The following SHANK2 variants were observed in gnomAD, a reference collection of about 807,000 sequenced individuals.
SHANK2 encodes SH3 and multiple ankyrin repeat domains 2.
SHANK2 carries 43 observed loss-of-function variants against 133.7 expected under a neutral mutation model. The observed-to-expected ratio is 0.32, with a 90% CI of 0.25 to 0.41. The LOEUF (loss-of-function observed/expected upper bound fraction) is 0.41. Among genes scored for constraint, SHANK2 ranks in the 10% least tolerant of loss-of-function variants. The pLI, the probability that SHANK2 is intolerant of heterozygous loss-of-function variation, is 1.00. For synonymous variants in SHANK2, 1,017 were observed against 952.8 expected, an observed-to-expected ratio of 1.07 and a Z score of -1.24; for missense variants, 1,994 against 2,235.8, an observed-to-expected ratio of 0.89 and a Z score of 2.18.
chr11:70,589,042 C>T (rs2060289273), intron 17 of SHANK2, among the ~76,000 whole-genome samples: 1 of 152,250 alleles, frequency 6.6e-6, no homozygotes, highest in African/African-American at 2.4e-5. Flanking sequence ...TGGTCTCGAT[C>T]TCCTGACCTC....
At position 70,569,126 on chromosome 11, in the gene SHANK2, G is replaced by A. The variant is rs1423722183; in HGVS notation, c.2062-66195C>T. 6.6e-6 allele frequency among the ~76,000 whole-genome samples: 1 copy of A among 152,192 alleles called. No homozygotes were observed. The highest frequency in any genetic ancestry group is 1.5e-5 in the Non-Finnish European group (1 of 68,028). On this transcript the variant is annotated intron_variant, in intron 17 of 25. Coordinates refer to ENST00000601538, the MANE Select transcript of SHANK2 (RefSeq NM_012309.5). The surrounding 1 kb of genome is among the most constrained non-coding windows in gnomAD (Gnocchi z 5.1). ...TCTGCCTTGACTTGTCCTGGATTCT[G>A]CAGGAAGGCCCCACCTGAACCACCT...
intron 14 of SHANK2, among the ~76,000 whole-genome samples, chr11:70,749,602 C>A (rs1326057581): frequency 1.3e-5 from 2 of 152,158 alleles, no homozygotes; most frequent in African/African-American, 4.8e-5. Flanking sequence ...ACCTAGGAGG[C>A]AATGAGTTTA....
chr11:70,886,697 TCACACACACACACA>T (rs10579290), intron 11 of SHANK2, among the ~76,000 whole-genome samples: 1 of 143,460 alleles, frequency 7.0e-6, no homozygotes, highest in Non-Finnish European at 1.6e-5. Flanking sequence ...AATCACACAA[TCACACACACACACA>T]CACACACACA....
intron 11 of SHANK2, among the ~76,000 whole-genome samples, chr11:70,870,713 TG>T (rs1949445719): frequency 6.6e-6 from 1 of 152,234 alleles, no homozygotes; most frequent in Non-Finnish European, 1.5e-5. Context: ...CCCAGAGCTC[TG>T]CCTTCATCTT....
rs1011749582 is a variant in SHANK2, at chr11:70,710,233, C to A, written c.1778-11470G>T. On this transcript the variant is annotated intron_variant, in intron 14 of 25. Coordinates refer to ENST00000601538, the MANE Select transcript of SHANK2 (RefSeq NM_012309.5). Reference sequence around the variant, plus strand: ...CTGGGGGCTGTGCCGTCCCCTCAGGCAGGCCTGGCTCCCTCTTCACAACGG... The same window carrying A: ...CTGGGGGCTGTGCCGTCCCCTCAGGAAGGCCTGGCTCCCTCTTCACAACGG... Among the ~76,000 whole-genome samples, 6 of 152,198 alleles carry A rather than the reference C, an allele frequency of 3.9e-5. No individual in the cohort carries two copies. The East Asian group carries it at 1.2e-3, about 29-fold the overall frequency.
chr11:70,633,257 C>T (rs1179967813), intron 17 of SHANK2, among the ~76,000 whole-genome samples: 3 of 147,488 alleles, frequency 2.0e-5, no homozygotes, highest in Non-Finnish European at 4.5e-5. Context: ...CTATATAAAA[C>T]ATGTATAAGT....
intron 9 of SHANK2, among the ~76,000 whole-genome samples, chr11:71,065,825 TGG>T (rs2135948918): frequency 8.4e-5 from 3 of 35,670 alleles, no homozygotes; most frequent in Non-Finnish European, 1.0e-4. Context: ...GTGGGGAAGT[TGG>T]GGGCGGGGCA....
rs1555149211 is a variant in SHANK2 at position 70,473,290 on chromosome 11, G to A, written c.5129C>T (p.Pro1710Leu). The stretch of plus-strand genomic sequence containing the variant: ...GTTCATCTCTGTTGGCGAGACCACA[G>A]GGCTTGGGGCACGTCTTGTTCCTGA... ...RTSGTRRAPS[P>L]VVSPTEMNKE... The change falls in exon 26 of 26, where the codon CCT (proline) becomes CTT (leucine). Residue 1710 changes from proline to leucine, a missense_variant. Physicochemically the swap from Pro to Leu is moderately conservative, Grantham distance 98. Around this residue, in one of 5 missense-constraint regions of SHANK2, gnomAD observed 797 missense variants for 907.4 expected, o/e 0.88. Coordinates refer to ENST00000601538, the MANE Select transcript of SHANK2 (RefSeq NM_012309.5). The surrounding 1 kb of genome is among the most constrained non-coding windows in gnomAD (Gnocchi z 5.9). The A allele has an allele frequency of 6.2e-7, 1 of 1,613,840 alleles. No individual in the cohort carries two copies. Among genetic ancestry groups the A allele is most frequent in the African/African-American group, 1.3e-5 (1 of 74,936 alleles).
chr11:70,687,789 G>A (rs1945188656), intron 15 of SHANK2, among the ~76,000 whole-genome samples: 1 of 152,220 alleles, frequency 6.6e-6, no homozygotes. Flanking sequence ...CAGGTGGGGA[G>A]CAAGGCAGGC....
chr11:71,140,515 C>T (rs1272881264), intron 3 of SHANK2, among the ~76,000 whole-genome samples: 1 of 152,242 alleles, frequency 6.6e-6, no homozygotes, highest in Non-Finnish European at 1.5e-5. Flanking sequence ...TCTCCCAACA[C>T]CCTTGCCCCA....
intron 7 of SHANK2, among the ~76,000 whole-genome samples, chr11:71,093,944 C>T (rs1375118734): frequency 6.6e-6 from 1 of 152,146 alleles, no homozygotes; most frequent in Middle Eastern, 3.2e-3. Context: ...TCCAGAGGCG[C>T]CGTGGCTGCA....
chr11:70,631,346 G>T (rs1555002084), intron 17 of SHANK2: 2 of 152,066 alleles, frequency 1.3e-5, no homozygotes, highest in African/African-American at 2.4e-5. Flanking sequence ...GCCTGCTGGG[G>T]GCCGTGCCAT....
At position 70,599,917 on chromosome 11, in the gene SHANK2, A is replaced by AAAAGAAAGAAAGAAAG. The variant is rs1364414269; in HGVS notation, c.2061+59910_2061+59911insCTTTCTTTCTTTCTTT. On this transcript the variant is annotated intron_variant, in intron 17 of 25. Transcript: ENST00000601538. ...AGAAAGAAAGAAAGAGAAAGAAAGA[A>AAAAGAAAGAAAGAAAG]AGAAAGAAAGAAAGAAAGAAAGAAA... Among the ~76,000 whole-genome samples the AAAAGAAAGAAAGAAAG allele has an allele frequency of 4.5e-3, 344 of 77,138 alleles. 2 individuals carry two copies. Among genetic ancestry groups the AAAAGAAAGAAAGAAAG allele is most frequent in the African/African-American group, 0.012 (198 of 16,398 alleles). 50.6% of individuals were successfully genotyped at this position (77,138 alleles called of 152,430 possible).
chr11:71,084,235 T>C (rs1286373278), intron 8 of SHANK2, among the ~76,000 whole-genome samples: 3 of 152,194 alleles, frequency 2.0e-5, no homozygotes, highest in African/African-American at 7.2e-5. Context: ...TCTCCCAAAG[T>C]GCTGCGATTA....
chr11:70,588,379 G>C (rs2060280706), intron 17 of SHANK2, among the ~76,000 whole-genome samples: 1 of 152,242 alleles, frequency 6.6e-6, no homozygotes, highest in Non-Finnish European at 1.5e-5. Flanking sequence ...TGAAAGCTGA[G>C]ACAGTCCTCT....
chr11:70,717,034 G>A (rs1049253776), intron 14 of SHANK2, among the ~76,000 whole-genome samples: 1 of 152,142 alleles, frequency 6.6e-6, no homozygotes, highest in African/African-American at 2.4e-5. Flanking sequence ...AACGCACAGG[G>A]TGTTTCTCCC....
chr11:71,232,776 C>T lies in SHANK2; in HGVS notation c.-112-7980G>A, dbSNP rs114179973. Reference sequence around the variant, plus strand: ...CTGTTTATGTTATCTGTACGATTTCCAGTAAATAGTAGGCTATCAGTAGTT... The same window carrying T: ...CTGTTTATGTTATCTGTACGATTTCTAGTAAATAGTAGGCTATCAGTAGTT... On this transcript the variant is annotated intron_variant, in intron 1 of 25. Transcript: ENST00000601538. 5.2e-3 allele frequency among the ~76,000 whole-genome samples: 793 copies of T among 152,144 alleles called. 17 individuals carry two copies. The highest frequency in any genetic ancestry group is 0.019 in the African/African-American group (774 of 41,508).
intron 17 of SHANK2, among the ~76,000 whole-genome samples, chr11:70,645,479 A>G (rs1555007909): frequency 1.3e-5 from 2 of 152,210 alleles, no homozygotes; most frequent in East Asian, 1.9e-4. Context: ...AGGCTCATCG[A>G]AAAACACTCT....
chr11:70,638,506 G>A (rs144554985), intron 17 of SHANK2, among the ~76,000 whole-genome samples: 247 of 152,290 alleles, frequency 1.6e-3, no homozygotes, highest in Non-Finnish European at 3.0e-3. Flanking sequence ...CTGCTTTAAC[G>A]GAAGCAAAGA....
Sources: gnomAD v4.1 joint callset for allele counts (sites outside exome capture counted in the v4.1 genomes callset) on GRCh38, gnomAD v4.1.1 for gene constraint, gnomAD v4.1.1 regional missense constraint, Gnocchi (gnomAD v3.1) non-coding constraint, MANE v1.5 for transcripts, NCBI Gene and HGNC (gene_info 2026-07-23, HGNC 2026-07-21) for gene names.